CNTN4: variants seen among roughly 807,000 people sequenced by gnomAD.
CNTN4 encodes the protein contactin 4.
CNTN4 carries 77 observed loss-of-function variants against 122.5 expected under a neutral mutation model. The ratio of observed to expected loss-of-function variants is 0.63; its 90% CI spans 0.52 to 0.76. The LOEUF (loss-of-function observed/expected upper bound fraction) is 0.76. Ranked by LOEUF, CNTN4 falls within the 30% of genes least tolerant of loss-of-function variation. CNTN4 has a pLI of 0.00. For missense variants in CNTN4, 1,256 were observed against 1,259.1 expected, an observed-to-expected ratio of 1.00 and a Z score of 0.04; for synonymous variants, 512 against 447.0, an observed-to-expected ratio of 1.15 and a Z score of -1.83.
intron 2 of CNTN4, among the ~76,000 whole-genome samples, chr3:2,326,317 C>T (rs945092843): frequency 2.6e-5 from 4 of 152,122 alleles, no homozygotes; most frequent in Admixed American, 6.5e-5. Flanking sequence ...ACCTGTCAGC[C>T]TTCAGACTGG....
chr3:2,731,472 A>G (rs2088676949), intron 4 of CNTN4, among the ~76,000 whole-genome samples: 1 of 152,206 alleles, frequency 6.6e-6, no homozygotes, highest in Non-Finnish European at 1.5e-5. Flanking sequence ...ATGTAACAGT[A>G]TTGGTGCCTG....
chr3:2,203,067 C>T (rs922079009), intron 2 of CNTN4, among the ~76,000 whole-genome samples: 2 of 151,622 alleles, frequency 1.3e-5, no homozygotes, highest in African/African-American at 4.8e-5. Flanking sequence ...CTCCTGACCT[C>T]AAGTTGTCTG....
intron 3 of CNTN4, among the ~76,000 whole-genome samples, chr3:2,392,748 A>G (rs2046487725): frequency 6.6e-6 from 1 of 152,146 alleles, no homozygotes; most frequent in Non-Finnish European, 1.5e-5. Context: ...CTCTTATTTA[A>G]CTAAAGCTTT....
intron 4 of CNTN4, among the ~76,000 whole-genome samples, chr3:2,623,268 T>C (rs551279102): frequency 2.0e-5 from 3 of 152,210 alleles, no homozygotes; most frequent in Non-Finnish European, 2.9e-5. Flanking sequence ...ATGGTTTTTT[T>C]CCCTGATTTT....
intron 2 of CNTN4, among the ~76,000 whole-genome samples, chr3:2,148,389 A>C (rs74465721): frequency 0.22 from 32,864 of 151,502 alleles, 4,480 homozygotes; most frequent in Admixed American, 0.32. Flanking sequence ...AAAAAAAAAA[A>C]TTAGCCTTGG....
At chr3:2,546,772 G>A (rs567920822) in intron 3 of CNTN4, among the ~76,000 whole-genome samples, 14 of 152,206 alleles carry the variant, frequency 9.2e-5, no homozygotes, top group Admixed American at 5.2e-4. Context: ...CAGCAGAGTA[G>A]AAGAAGAAGA....
chr3:2,837,270 C>A (rs988093317), intron 7 of CNTN4, among the ~76,000 whole-genome samples: 5 of 152,188 alleles, frequency 3.3e-5, no homozygotes, highest in African/African-American at 1.2e-4. Flanking sequence ...TTCCACCATA[C>A]ATGGACACAT....
intron 4 of CNTN4, among the ~76,000 whole-genome samples, chr3:2,607,428 A>G (rs575262934): frequency 3.9e-5 from 6 of 152,302 alleles, no homozygotes; most frequent in African/African-American, 1.2e-4. Flanking sequence ...TAATCTGTTT[A>G]TTCATATAAT....
At chr3:2,981,840 T>C (rs757862227) in intron 13 of CNTN4, among the ~76,000 whole-genome samples, 2 of 152,044 alleles carry the variant, frequency 1.3e-5, no homozygotes, top group East Asian at 3.9e-4. Flanking sequence ...AGGTCAGAAG[T>C]TTCAGACCAG....
intron 14 of CNTN4, among the ~76,000 whole-genome samples, chr3:3,012,438 G>A (rs1202335202): frequency 6.6e-6 from 1 of 151,828 alleles, no homozygotes; most frequent in Non-Finnish European, 1.5e-5. Flanking sequence ...TGTTTGATCG[G>A]TTTGGTTTTT....
At chr3:2,774,120 G>A (rs2091217734) in intron 6 of CNTN4, among the ~76,000 whole-genome samples, 1 of 151,978 alleles carries the variant, frequency 6.6e-6, no homozygotes, top group Non-Finnish European at 1.5e-5. Flanking sequence ...ATCAGGCCGG[G>A]TGCAGTGGCT....
At chr3:2,365,099 T>TA (rs112245139) in intron 3 of CNTN4, among the ~76,000 whole-genome samples, 3,684 of 150,234 alleles carry the variant, frequency 0.025, 152 homozygotes, top group African/African-American at 0.085. Context: ...TTTGGTTTAA[T>TA]TTTTTTTTTA....
chr3:2,574,073 A>G (rs536967491), intron 4 of CNTN4, among the ~76,000 whole-genome samples: 17 of 152,236 alleles, frequency 1.1e-4, no homozygotes, highest in Non-Finnish European at 2.2e-4. Flanking sequence ...AAAATTAGCA[A>G]GGCATGGTGG....
At chr3:2,787,814 G>A (rs6788224) in intron 6 of CNTN4, among the ~76,000 whole-genome samples, 1 of 148,652 alleles carries the variant, frequency 6.7e-6, no homozygotes, top group Non-Finnish European at 1.5e-5. Flanking sequence ...TTTTGAGGCA[G>A]GGTCTTGCTC....
rs541088261 is a variant in CNTN4, at chr3:2,585,878, A to G, written c.55+14320A>G. Among the ~76,000 whole-genome samples, 48 of 113,514 alleles carry G rather than the reference A, an allele frequency of 4.2e-4. 1 individual carries two copies. The East Asian group carries it at 0.015, about 36-fold the overall frequency. The allele number at this position is 113,514 out of a possible 152,430, so 74.5% of individuals were successfully genotyped here. A position where few individuals can be genotyped will look rare whatever the true frequency, so the allele number is the denominator to read the frequency against. ...AAAGTAACCCAATACAGAGGGGGAGAAAAAAAAAAAAGCTAATGAGGCTAG... is the reference window on the plus strand; with the variant it reads ...AAAGTAACCCAATACAGAGGGGGAGGAAAAAAAAAAAGCTAATGAGGCTAG... On this transcript the variant is annotated intron_variant, in intron 4 of 24. Transcript: ENST00000418658.
At chr3:2,556,333 G>A (rs916188611) in intron 3 of CNTN4, among the ~76,000 whole-genome samples, 6 of 152,094 alleles carry the variant, frequency 3.9e-5, no homozygotes, top group Non-Finnish European at 7.4e-5. Context: ...ATATACAAAC[G>A]TTTAATTACA....
chr3:2,734,870 A>C (rs2088966696), intron 4 of CNTN4, among the ~76,000 whole-genome samples: 1 of 152,206 alleles, frequency 6.6e-6, no homozygotes, highest in Admixed American at 6.5e-5. Flanking sequence ...ATATAAGGGG[A>C]CTGCCAGTTG....
chr3:2,488,435 C>G (rs1357616846), intron 3 of CNTN4, among the ~76,000 whole-genome samples: 2 of 152,054 alleles, frequency 1.3e-5, no homozygotes, highest in Admixed American at 1.3e-4. Context: ...CTACATTGTT[C>G]CAGTGTGAGT....
At chr3:2,762,937 C>CTTTTT (rs529635016) in intron 6 of CNTN4, among the ~76,000 whole-genome samples, 3 of 96,468 alleles carry the variant, frequency 3.1e-5, no homozygotes, top group African/African-American at 1.2e-4. Flanking sequence ...TGATGTCAAG[C>CTTTTT]TTTTTTTTTT....
Sources: gnomAD v4.1 joint callset for allele counts (sites outside exome capture counted in the v4.1 genomes callset) on GRCh38, gnomAD v4.1.1 for gene constraint, MANE v1.5 for transcripts, NCBI Gene and HGNC (gene_info 2026-07-23, HGNC 2026-07-21) for gene names.